Variants in WSCD1 observed in about 807,000 individuals in gnomAD.
The protein encoded by WSCD1 is WSC domain sialate O sulfotransferase 1.
WSCD1 carries 41 observed loss-of-function variants against 60.4 expected under a neutral mutation model. The ratio of observed to expected loss-of-function variants is 0.68; its 90% CI spans 0.53 to 0.88. The LOEUF is 0.88. Among genes scored for constraint, WSCD1 ranks in the 40% least tolerant of loss-of-function variants. The pLI, the probability that WSCD1 is intolerant of heterozygous loss-of-function variation, is 0.00. For synonymous variants in WSCD1, 361 were observed against 332.5 expected (o/e 1.09, Z -0.93); for missense variants, 784 against 796.2 (o/e 0.98, Z 0.18).
At chr17:6,070,122 C>T (rs1249486771), upstream of WSCD1, among the ~76,000 whole-genome samples, 1 of 147,726 alleles carries the variant, frequency 6.8e-6, no homozygotes, top group Admixed American at 6.7e-5. Context: ...GCCCGTGGGG[C>T]CCCGGTGAAA....
At chr17:6,102,635 A>G (rs1276244891) in intron 5 of WSCD1, among the ~76,000 whole-genome samples, 1 of 152,188 alleles carries the variant, frequency 6.6e-6, no homozygotes, top group African/African-American at 2.4e-5. Context: ...AACATTGAAC[A>G]TCTTTTTGGT....
chr17:6,103,585 G>A (rs1057077662), intron 5 of WSCD1, among the ~76,000 whole-genome samples: 1 of 152,118 alleles, frequency 6.6e-6, no homozygotes, highest in African/African-American at 2.4e-5. Context: ...CATCCCACAG[G>A]GTCCCCTGGA....
rs567355225 is a variant in WSCD1, at chr17:6,110,694, C to A, written c.1010-77C>A. The stretch of plus-strand genomic sequence containing the variant: ...AAATGGGAGTCTTCGTTCATCAGTT[C>A]CTCTAAGGGAGTTTAGTGGTGAATT... On this transcript the variant is annotated intron_variant, in intron 6 of 8. Transcript: ENST00000317744. This position sits in a 1 kb window ranked among gnomAD's most constrained non-coding sequence, Gnocchi z 4.8. 6.6e-7 allele frequency: 1 copy of A among 1,503,912 alleles called. No homozygotes were observed. Among genetic ancestry groups the A allele is most frequent in the African/African-American group, 1.4e-5 (1 of 72,134 alleles). The allele number at this position is 1,503,912 out of a possible 1,614,324, so 93.2% of individuals were successfully genotyped here. A position where few individuals can be genotyped will look rare whatever the true frequency, so the allele number is the denominator to read the frequency against.
At chr17:6,115,592 C>A (rs77560880) in intron 7 of WSCD1, among the ~76,000 whole-genome samples, 2,752 of 151,750 alleles carry the variant, frequency 0.018, 32 homozygotes, top group Non-Finnish European at 0.02. Flanking sequence ...CTTTTCTTTT[C>A]TTTTCTTTTT....
Position 6,090,458 on chromosome 17 carries a change from G to A in WSCD1, c.680G>A (p.Arg227Gln), listed in dbSNP as rs754360817. The A allele has an allele frequency of 6.2e-6, 10 of 1,613,446 alleles. No individual in the cohort carries two copies. The highest frequency in any genetic ancestry group is 8.5e-6 in the Non-Finnish European group (10 of 1,179,742). The stretch of plus-strand genomic sequence containing the variant: ...GGCTCTGTGTGCGGGGCTGTGGACC[G>A]GCTCTCCGTGTACCGTGTGGACGAG... ...EKGSVCGAVDRLSVYRVDELQ... is the reference protein window; with the variant it reads ...EKGSVCGAVDQLSVYRVDELQ... Residue 227 changes from arginine to glutamine, a missense_variant, in exon 4 of 9, where the codon CGG (arginine) becomes CAG (glutamine). Arg to Gln is a conservative substitution (Grantham distance 43). Coordinates refer to ENST00000317744, the MANE Select transcript of WSCD1 (RefSeq NM_015253.2).
At chr17:6,103,469 T>C (rs573101244) in intron 5 of WSCD1, among the ~76,000 whole-genome samples, 40 of 152,146 alleles carry the variant, frequency 2.6e-4, no homozygotes, top group Non-Finnish European at 4.9e-4. Flanking sequence ...GGATGTTTGT[T>C]TGGCTTTGAT....
rs1325261425 is a variant in WSCD1 at position 6,101,690 on chromosome 17, TA to T, written c.849+6469del. 1.3e-5 allele frequency among the ~76,000 whole-genome samples: 2 copies of T among 152,224 alleles called. No individual in the cohort carries two copies. The highest frequency in any genetic ancestry group is 2.9e-5 in the Non-Finnish European group (2 of 68,046). On this transcript the variant is annotated intron_variant, in intron 5 of 8. Transcript: ENST00000317744. This position sits in a 1 kb window ranked among gnomAD's most constrained non-coding sequence, Gnocchi z 4.1. ...TAAAGCCCAGTGAAATGATCTTGTC[TA>T]ATTTCCTGTGATCGTATGGAGATGG...
intron 8 of WSCD1, among the ~76,000 whole-genome samples, chr17:6,119,331 C>G (rs890870916): frequency 3.3e-5 from 5 of 152,238 alleles, no homozygotes; most frequent in African/African-American, 1.2e-4. Flanking sequence ...AGGCATGGGG[C>G]AAGGTACCAG....
chr17:6,095,390 C>T (rs896169045), intron 5 of WSCD1, among the ~76,000 whole-genome samples, 167 bp downstream of exon 5: 1 of 152,170 alleles, frequency 6.6e-6, no homozygotes, highest in Admixed American at 6.5e-5. Context: ...CAGAGGGAGC[C>T]GGCAGGGAGC....
intron 5 of WSCD1, among the ~76,000 whole-genome samples, chr17:6,104,183 T>A (rs1460628216): frequency 6.6e-6 from 1 of 152,078 alleles, no homozygotes; most frequent in Non-Finnish European, 1.5e-5. Context: ...CAACCAGCTG[T>A]CCGTGAACTG....
intron 4 of WSCD1, 69 bp from the exon 5 acceptor site, chr17:6,095,033 T>G: frequency 6.4e-7 from 1 of 1,554,026 alleles, no homozygotes; most frequent in South Asian, 1.2e-5. Flanking sequence ...AAAGCCAGCA[T>G]TTTCCCTGGT....
rs780761088 is a variant in WSCD1, at chr17:6,120,352, G to A, written c.1419G>A (p.Ser473=). 8.7e-6 allele frequency: 14 copies of A among 1,614,088 alleles called. No individual in the cohort carries two copies. The highest frequency in any genetic ancestry group is 3.3e-5 in the South Asian group (3 of 91,082). The change falls in exon 9 of 9, where the codon TCG becomes TCA. Residue 473 remains serine, a synonymous_variant. Coordinates refer to ENST00000317744, the MANE Select transcript of WSCD1 (RefSeq NM_015253.2). ...FVNSYASWWS[S]HVLDWLKYGK... ...ACAGCTACGCCTCGTGGTGGTCCTC[G>A]CACGTCCTGGACTGGCTCAAGTACG...
intron 8 of WSCD1, 107 bp from the exon 9 acceptor site, chr17:6,120,202 G>A (rs1249255625): frequency 8.3e-7 from 1 of 1,207,900 alleles, no homozygotes; most frequent in East Asian, 2.3e-5. Context: ...CTAGGCAGTG[G>A]ACAGTGGAAA....
At chr17:6,091,184 C>T (rs1318956281) in intron 4 of WSCD1, among the ~76,000 whole-genome samples, 3 of 152,154 alleles carry the variant, frequency 2.0e-5, no homozygotes, top group African/African-American at 7.2e-5. Context: ...GTGAGCCACG[C>T]ACCCATCCAG....
In WSCD1 at chr17:6,085,686, A is replaced by G. The variant is rs532832086; in HGVS notation, c.428-2304A>G. Among the ~76,000 whole-genome samples, 12 of 152,358 alleles carry G rather than the reference A, an allele frequency of 7.9e-5. No homozygotes were observed. In the East Asian group the frequency reaches 2.3e-3, roughly 29 times the overall value. ...TTGAAAACCTTGTGGTTAATTTCCC[A>G]TCTACAATGATAAATGTTTAATAAT... On this transcript the variant is annotated intron_variant, in intron 2 of 8. Transcript: ENST00000317744.
Position 6,101,773 on chromosome 17 carries a change from A to G in WSCD1, c.849+6550A>G, listed in dbSNP as rs566786917. ...GGATCCTATCGGCTCCTTTGTTTCA[A>G]CGCAAGGCAAGAGTGAGCAGGGGGC... On this transcript the variant is annotated intron_variant, in intron 5 of 8. Transcript: ENST00000317744. This position sits in a 1 kb window ranked among gnomAD's most constrained non-coding sequence, Gnocchi z 4.1. Among the ~76,000 whole-genome samples the G allele has an allele frequency of 4.6e-5, 7 of 152,266 alleles. No homozygotes were observed. The South Asian group carries it at 6.2e-4, about 14-fold the overall frequency.
chr17:6,073,624 C>T (rs530355777), intron 1 of WSCD1, among the ~76,000 whole-genome samples: 2 of 152,318 alleles, frequency 1.3e-5, no homozygotes, highest in African/African-American at 4.8e-5. Flanking sequence ...AGCGAGACTC[C>T]TTCTTGAAAA....
At chr17:6,074,674 T>C (rs868409084) in intron 1 of WSCD1, among the ~76,000 whole-genome samples, 6 of 152,234 alleles carry the variant, frequency 3.9e-5, no homozygotes, top group Non-Finnish European at 5.9e-5. Context: ...TGAACCTTGA[T>C]GGCCTGAAGC....
intron 2 of WSCD1, among the ~76,000 whole-genome samples, chr17:6,082,489 T>C (rs902351323): frequency 2.0e-5 from 3 of 152,212 alleles, no homozygotes; most frequent in Admixed American, 2.0e-4. Flanking sequence ...CACTGCTGGA[T>C]GCCAGCGTGG....
Sources: allele counts gnomAD v4.1 joint callset (sites outside exome capture counted in the v4.1 genomes callset), GRCh38; gene constraint gnomAD v4.1.1; non-coding constraint Gnocchi (gnomAD v3.1); transcripts MANE v1.5; gene names NCBI Gene and HGNC (gene_info 2026-07-23, HGNC 2026-07-21).